Variants in TMEFF2 observed in about 807,000 individuals in gnomAD.
TMEFF2 encodes the protein transmembrane protein with EGF like and two follistatin like domains 2, also known as tomoregulin-2.
A neutral mutation model predicts 53.8 loss-of-function variants in TMEFF2; 28 were observed. The observed-to-expected ratio is 0.52, with a 90% confidence interval of 0.39 to 0.71. The LOEUF is 0.71. Among genes scored for constraint, TMEFF2 ranks in the 30% least tolerant of loss-of-function variants. TMEFF2 has a pLI of 0.00. For missense variants in TMEFF2, 353 were observed against 455.2 expected, an observed-to-expected ratio of 0.78 and a Z score of 2.04; for synonymous variants, 162 against 166.3, an observed-to-expected ratio of 0.97 and a Z score of 0.20.
At chr2:192,097,374 C>A (rs1185796933) in intron 4 of TMEFF2, among the ~76,000 whole-genome samples, 2 of 152,216 alleles carry the variant, frequency 1.3e-5, no homozygotes, top group Non-Finnish European at 2.9e-5. Context: ...TCAAAACTTA[C>A]AAAGAGCATA....
At chr2:192,049,677 A>C (rs976159883) in intron 5 of TMEFF2, among the ~76,000 whole-genome samples, 1 of 152,150 alleles carries the variant, frequency 6.6e-6, no homozygotes, top group Non-Finnish European at 1.5e-5. Flanking sequence ...TGTGGCCTGC[A>C]ACAAGATTTC....
intron 4 of TMEFF2, among the ~76,000 whole-genome samples, chr2:192,159,278 G>T (rs927356773): frequency 6.6e-6 from 1 of 152,082 alleles, no homozygotes. Flanking sequence ...GTTGAGGGGG[G>T]GATCAAGGCC....
At chr2:192,037,611 A>T (rs1320183713) in intron 5 of TMEFF2, among the ~76,000 whole-genome samples, 24 of 111,558 alleles carry the variant, frequency 2.2e-4, no homozygotes, top group South Asian at 3.8e-4. Flanking sequence ...CGTGTGTGAG[A>T]GAGAAAGAGA....
At chr2:192,184,569 A>G in intron 2 of TMEFF2, 86 bp from the exon 3 acceptor site, 1 of 1,507,512 alleles carries the variant, frequency 6.6e-7, no homozygotes, top group East Asian at 2.3e-5. Flanking sequence ...CATTTACAAA[A>G]GAAACCACTT....
At chr2:191,984,680 T>TAAAC (rs71033648) in intron 7 of TMEFF2, among the ~76,000 whole-genome samples, 12,526 of 152,092 alleles carry the variant, frequency 0.082, 682 homozygotes, top group Non-Finnish European at 0.13. Flanking sequence ...TGAAACATTC[T>TAAAC]AAACATGTTG....
At chr2:191,980,683 C>G (rs1685833597) in intron 7 of TMEFF2, among the ~76,000 whole-genome samples, 1 of 152,138 alleles carries the variant, frequency 6.6e-6, no homozygotes, top group African/African-American at 2.4e-5. Flanking sequence ...ACCACATAAT[C>G]ATTTCCATGC....
chr2:192,140,024 G>A (rs900176369), intron 4 of TMEFF2, among the ~76,000 whole-genome samples: 6 of 151,998 alleles, frequency 3.9e-5, no homozygotes, highest in African/African-American at 1.5e-4. Flanking sequence ...ACTCAAAGCT[G>A]GAAAAAACTG....
intron 4 of TMEFF2, among the ~76,000 whole-genome samples, chr2:192,120,501 C>G (rs1689524065): frequency 6.6e-6 from 1 of 152,178 alleles, no homozygotes; most frequent in South Asian, 2.1e-4. Flanking sequence ...ATGTATGATA[C>G]TGGCCCTGTG....
At chr2:192,013,067 G>T (rs1356526825) in intron 5 of TMEFF2, among the ~76,000 whole-genome samples, 3 of 152,158 alleles carry the variant, frequency 2.0e-5, no homozygotes, top group Admixed American at 6.5e-5. Flanking sequence ...GCTGCAGCTA[G>T]GGCAATGCCT....
At chr2:192,099,193 T>TA (rs1048462219) in intron 4 of TMEFF2, among the ~76,000 whole-genome samples, 2 of 152,150 alleles carry the variant, frequency 1.3e-5, no homozygotes, top group African/African-American at 4.8e-5. Context: ...TCAATCTTTA[T>TA]AGTAAACAAA....
At position 192,166,643 on chromosome 2, in the gene TMEFF2, A is replaced by G. The variant is rs1313203295; in HGVS notation, c.439+13025T>C. Among the ~76,000 whole-genome samples, 7 of 152,254 alleles carry G rather than the reference A, an allele frequency of 4.6e-5. 1 individual carries two copies. The South Asian group carries it at 1.5e-3, about 32-fold the overall frequency. The stretch of plus-strand genomic sequence containing the variant: ...TCAGGAGGAAACTCAAGCAGTTACA[A>G]TACTAGACCATTCCTCAGGCTCCAC... On this transcript the variant is annotated intron_variant, in intron 4 of 9. Transcript: ENST00000272771.
At chr2:191,958,493 A>T (rs1157916485) in intron 7 of TMEFF2, among the ~76,000 whole-genome samples, 2 of 152,054 alleles carry the variant, frequency 1.3e-5, no homozygotes, top group Non-Finnish European at 2.9e-5. Context: ...TTTTTAGTCT[A>T]TTTTATTTTT....
intron 8 of TMEFF2, 28 bp downstream of exon 8, chr2:191,956,227 T>A: frequency 6.3e-7 from 1 of 1,586,376 alleles, no homozygotes; most frequent in Non-Finnish European, 8.6e-7. Context: ...CTTTATACAT[T>A]AACTATTCTT....
chr2:191,988,653 A>ATT (rs71033651), intron 7 of TMEFF2, among the ~76,000 whole-genome samples: 1 of 148,762 alleles, frequency 6.7e-6, no homozygotes, highest in Non-Finnish European at 1.5e-5. Context: ...CTTAAAAACT[A>ATT]TTTTTTTTTT....
intron 4 of TMEFF2, among the ~76,000 whole-genome samples, chr2:192,075,296 T>TATATATAAATATATATATAA (rs1357041628): frequency 9.1e-5 from 3 of 32,972 alleles, no homozygotes; most frequent in Non-Finnish European, 1.8e-4. Context: ...TATATATATA[T>TATATATAAATATATATATAA]ATATATATAT....
chr2:192,053,598 A>G (rs1687825718), intron 5 of TMEFF2, among the ~76,000 whole-genome samples: 1 of 152,234 alleles, frequency 6.6e-6, no homozygotes, highest in Non-Finnish European at 1.5e-5. Flanking sequence ...ATTATAGTTT[A>G]GTTAGTGTTA....
chr2:192,000,386 T>A (rs951407877), intron 5 of TMEFF2, among the ~76,000 whole-genome samples: 2 of 152,174 alleles, frequency 1.3e-5, no homozygotes, highest in African/African-American at 2.4e-5. Context: ...CCAAAGACAT[T>A]ACATAAGGTT....
In TMEFF2 at chr2:192,164,978, CTGTGTGTG is replaced by C. The variant is rs71033662; in HGVS notation, c.439+14682_439+14689del. Among the ~76,000 whole-genome samples, 4 of 145,212 alleles carry C rather than the reference CTGTGTGTG, an allele frequency of 2.8e-5. No homozygotes were observed. In the East Asian group the frequency reaches 6.2e-4, roughly 23 times the overall value. On this transcript the variant is annotated intron_variant, in intron 4 of 9. Coordinates refer to ENST00000272771, the MANE Select transcript of TMEFF2 (RefSeq NM_016192.4). ...GCAGAATGAATACTCTGAATAAAAA[CTGTGTGTG>C]TGTGTGTGTGTGTGTGTGTGTGTAC...
intron 7 of TMEFF2, among the ~76,000 whole-genome samples, chr2:191,995,247 T>A (rs1686195947): frequency 1.3e-5 from 2 of 152,126 alleles, no homozygotes; most frequent in Non-Finnish European, 2.9e-5. Flanking sequence ...TTCAAGAAGA[T>A]CTCCATTTTT....
Sources: gnomAD v4.1 joint callset for allele counts (sites outside exome capture counted in the v4.1 genomes callset) on GRCh38, gnomAD v4.1.1 for gene constraint, MANE v1.5 for transcripts, NCBI Gene and HGNC (gene_info 2026-07-23, HGNC 2026-07-21) for gene names.